Variants in HERC2 observed in about 807,000 individuals in gnomAD.
The protein encoded by HERC2 is E3 ubiquitin-protein ligase HERC2.
Under a neutral mutation model 537.7 loss-of-function variants are expected in HERC2, and 102 were observed. The observed-to-expected ratio is 0.19, with a 90% CI of 0.16 to 0.22. HERC2 has a LOEUF of 0.22. Ranked by LOEUF, HERC2 falls within the 10% of genes least tolerant of loss-of-function variation. HERC2 has a pLI of 1.00. For missense variants in HERC2, 4,236 were observed against 6,198.2 expected, an observed-to-expected ratio of 0.68 and a Z score of 10.63; for synonymous variants, 2,224 against 2,466.2, an observed-to-expected ratio of 0.90 and a Z score of 2.91.
intron 42 of HERC2, chr15:28,212,887 T>A (rs1899415765): frequency 1.8e-6 from 1 of 567,842 alleles, no homozygotes; most frequent in Admixed American, 6.3e-5. Flanking sequence ...GTGTATATAT[T>A]CCTATAATAA....
chr15:28,136,782 G>A (rs1452699931), intron 78 of HERC2, among the ~76,000 whole-genome samples: 3 of 152,148 alleles, frequency 2.0e-5, no homozygotes, highest in Non-Finnish European at 4.4e-5. Context: ...AAATACCATT[G>A]TGCCCTTTAC....
At chr15:28,317,690 G>A (rs2077126070) in intron 2 of HERC2, among the ~76,000 whole-genome samples, 2 of 152,202 alleles carry the variant, frequency 1.3e-5, no homozygotes, top group African/African-American at 4.8e-5. Flanking sequence ...TTGTAGTGAT[G>A]AAACAGTTCT....
Position 28,182,458 on chromosome 15 carries a change from C to T in HERC2, c.8880G>A (p.Lys2960=). ...GLESAATIRT[K]VFVWGLNDKD... is the part of the protein sequence containing the mutation. ...TGTCATTCAGGCCCCACACAAACAC[C>T]TTGGTTCTTATCGTAGCTGCTGATT... is the stretch of plus-strand genomic sequence containing the variant. Residue 2960 remains lysine (K), a synonymous_variant, in exon 57 of 93, where the codon AAG becomes AAA. Coordinates refer to ENST00000261609, the MANE Select transcript of HERC2 (RefSeq NM_004667.6). The T allele has an allele frequency of 6.2e-7, 1 of 1,613,920 alleles. No homozygotes were observed. Among genetic ancestry groups the T allele is most frequent in the Non-Finnish European group, 8.5e-7 (1 of 1,180,014 alleles).
chr15:28,235,309 G>A (rs538053107), intron 26 of HERC2, among the ~76,000 whole-genome samples: 52 of 152,202 alleles, frequency 3.4e-4, no homozygotes, highest in African/African-American at 1.2e-3. Context: ...ATCCTCCTGT[G>A]GATTGGACCC....
At position 28,214,357 on chromosome 15, in the gene HERC2, C is replaced by T. The variant is rs73362648; in HGVS notation, c.6359-85G>A. The T allele has an allele frequency of 6.6e-3, 7,711 of 1,167,228 alleles. 349 individuals are homozygous for T. The African/African-American group carries it at 0.1, about 16-fold the overall frequency. 72.3% of individuals were successfully genotyped at this position (1,167,228 alleles called of 1,614,324 possible). A position where few individuals can be genotyped will look rare whatever the true frequency, so the allele number is the denominator to read the frequency against. ...GAGACGGCTACCCACCTCTAAGTGA[C>T]GGCACTGCGCCGCTCTTCACCAGGG... is the stretch of plus-strand genomic sequence containing the variant. On this transcript the variant is annotated intron_variant, in intron 40 of 92. Transcript: ENST00000261609.
Position 28,248,732 on chromosome 15 carries a change from T to C in HERC2, c.3055A>G (p.Ile1019Val). Residue 1019 changes from isoleucine to valine, a missense_variant, in exon 21 of 93, where the codon ATT becomes GTT. Ile to Val is a conservative substitution (Grantham distance 29). Around this residue, in one of 27 missense-constraint regions of HERC2, gnomAD observed 754 missense variants for 1,085.0 expected, o/e 0.69. Transcript: ENST00000261609. ...VQLIQQLLRN[I>V]ASQTVARLKD... ...AATCTGGCTACAGTCTGAGAAGCAA[T>C]GTTTCTATACAGGAAAGAAGAGGAT... 1.2e-6 allele frequency: 2 copies of C among 1,612,468 alleles called. No individual in the cohort carries two copies. Among genetic ancestry groups the C allele is most frequent in the Non-Finnish European group, 1.7e-6 (2 of 1,178,766 alleles).
intron 12 of HERC2, among the ~76,000 whole-genome samples, chr15:28,267,976 T>G (rs1367207229): frequency 6.6e-6 from 1 of 152,240 alleles, no homozygotes; most frequent in African/African-American, 2.4e-5. Context: ...CTCCCAATTT[T>G]TACAACCTGG....
intron 83 of HERC2, among the ~76,000 whole-genome samples, chr15:28,128,711 C>A (rs1889772963): frequency 6.6e-6 from 1 of 152,258 alleles, no homozygotes; most frequent in Non-Finnish European, 1.5e-5. Context: ...CTGGCTTAAA[C>A]AACACACACT....
At chr15:28,191,931 T>C (rs1223113462) in intron 53 of HERC2, 30 bp downstream of exon 53, 4 of 1,589,044 alleles carry the variant, frequency 2.5e-6, no homozygotes, top group Non-Finnish European at 3.4e-6. Flanking sequence ...GGTGTGAAAG[T>C]GCCCGCTGCT....
chr15:28,124,931 CACA>C, intron 84 of HERC2, 72 bp downstream of exon 84: 4 of 1,412,452 alleles, frequency 2.8e-6, no homozygotes, highest in South Asian at 2.7e-5. Flanking sequence ...TCTGTAAACA[CACA>C]ACGACAGGAT....
chr15:28,131,279 A>G (rs1890081771), intron 81 of HERC2, among the ~76,000 whole-genome samples: 1 of 152,090 alleles, frequency 6.6e-6, no homozygotes, highest in African/African-American at 2.4e-5. Context: ...TTGGAAGTGC[A>G]AACCCCAGGC....
chr15:28,190,683 T>G, intron 55 of HERC2: 2 of 488,562 alleles, frequency 4.1e-6, no homozygotes, highest in Non-Finnish European at 7.2e-6. Context: ...ATCAGCAACC[T>G]AAAATGCCTG....
chr15:28,117,631 G>A (rs888158358), intron 86 of HERC2: 3 of 439,330 alleles, frequency 6.8e-6, no homozygotes. Context: ...CAATGCCCCT[G>A]AGACTGAAGC....
chr15:28,130,401 T>C (rs1472105410), intron 82 of HERC2, 99 bp from the exon 83 acceptor site: 26 of 1,585,708 alleles, frequency 1.6e-5, no homozygotes, highest in South Asian at 1.2e-4. Context: ...GACACAACCA[T>C]AGCCTGCTGC....
Position 28,238,224 on chromosome 15 carries a change from C to T in HERC2, c.3749-7G>A. 1.3e-6 allele frequency: 2 copies of T among 1,551,554 alleles called. No homozygotes were observed. The highest frequency in any genetic ancestry group is 1.8e-6 in the Non-Finnish European group (2 of 1,124,942). ...TCTTCCCCTGCAAACTGAGCTGAAA[C>T]AAAAAGGGAAAAAGCAACATGAGTT... is the stretch of plus-strand genomic sequence containing the variant. On this transcript the variant is annotated splice_region_variant and splice_polypyrimidine_tract_variant and intron_variant, in intron 24 of 92. Transcript: ENST00000261609.
rs778608766 is a variant in HERC2, at chr15:28,263,172, A to T, written c.1871-3T>A. 2 of 1,597,934 alleles carry T rather than the reference A, an allele frequency of 1.3e-6. No homozygotes were observed. The highest frequency in any genetic ancestry group is 1.7e-6 in the Non-Finnish European group (2 of 1,169,304). On this transcript the variant is annotated splice_polypyrimidine_tract_variant and splice_region_variant and intron_variant, in intron 14 of 92. Coordinates refer to ENST00000261609, the MANE Select transcript of HERC2 (RefSeq NM_004667.6). ...ATCTCCCCAAGACCACACTTGCCCT[A>T]AAAAATACAAATGCATTTAAATAAC... is the stretch of plus-strand genomic sequence containing the variant.
In HERC2 at chr15:28,269,328, T is replaced by G; in HGVS notation, c.1366A>C (p.Ile456Leu). 6.2e-7 allele frequency: 1 copy of G among 1,614,186 alleles called. No homozygotes were observed. Among genetic ancestry groups the G allele is most frequent in the Non-Finnish European group, 8.5e-7 (1 of 1,180,026 alleles). The change falls in exon 11 of 93, where the codon ATT becomes CTT. Residue 456 changes from isoleucine (I) to leucine (L), a missense_variant. Transcript: ENST00000261609. The part of the protein sequence containing the change: ...EGLANLGVTQ[I>L]ACAEKRFLIL... ...AGGAAACGCTTCTCTGCACAGGCAA[T>G]CTGTGTGACTCCCAGGTTGGCCAGG...
intron 2 of HERC2, among the ~76,000 whole-genome samples, chr15:28,320,916 T>C (rs1400821462): frequency 2.6e-5 from 4 of 151,998 alleles, no homozygotes; most frequent in East Asian, 1.9e-4. Context: ...GAACTAACTC[T>C]TGTCTCTCCA....
intron 38 of HERC2, among the ~76,000 whole-genome samples, chr15:28,216,259 C>T (rs1269185811): frequency 1.3e-5 from 2 of 151,980 alleles, no homozygotes; most frequent in African/African-American, 2.4e-5. Context: ...TTTTTAATTT[C>T]GTGTTTTAAA....
Sources: gnomAD v4.1 joint callset for allele counts (sites outside exome capture counted in the v4.1 genomes callset) on GRCh38, gnomAD v4.1.1 for gene constraint, gnomAD v4.1.1 regional missense constraint, MANE v1.5 for transcripts, NCBI Gene and HGNC (gene_info 2026-07-23, HGNC 2026-07-21) for gene names.